Variants in CTNND2 observed in about 807,000 individuals in gnomAD.
CTNND2 encodes catenin delta-2.
In CTNND2, 22 loss-of-function variants were observed where a neutral mutation model predicts 144.4. The observed-to-expected ratio is 0.15, with a 90% CI of 0.11 to 0.22. The LOEUF is 0.22. Among genes scored for constraint, CTNND2 ranks in the 10% least tolerant of loss-of-function variants. CTNND2 has a pLI of 1.00. For missense variants in CTNND2, 1,353 were observed against 1,618.8 expected (o/e 0.84, Z 2.82); for synonymous variants, 751 against 695.6 (o/e 1.08, Z -1.25).
At chr5:11,243,912 G>C (rs1376362870) in intron 9 of CTNND2, among the ~76,000 whole-genome samples, 4 of 152,200 alleles carry the variant, frequency 2.6e-5, no homozygotes, top group African/African-American at 9.6e-5. Context: ...GGCTCACTTT[G>C]ATTGCAATCT....
At chr5:11,172,513 CA>C (rs1310615965) in intron 11 of CTNND2, among the ~76,000 whole-genome samples, 1 of 152,178 alleles carries the variant, frequency 6.6e-6, no homozygotes, top group Non-Finnish European at 1.5e-5. Context: ...CTAAAGAATT[CA>C]ATCTCACAAA....
intron 3 of CTNND2, among the ~76,000 whole-genome samples, chr5:11,478,135 T>C (rs567585551): frequency 1.3e-5 from 2 of 152,192 alleles, no homozygotes; most frequent in Non-Finnish European, 2.9e-5. Context: ...TTCTCTCATA[T>C]ATATGCATGG....
intron 3 of CTNND2, among the ~76,000 whole-genome samples, chr5:11,455,053 G>T (rs945976408): frequency 1.3e-5 from 2 of 149,140 alleles, no homozygotes; most frequent in South Asian, 2.1e-4. Context: ...TACTTAACTT[G>T]TTCAAGTTCT....
At chr5:11,258,823 A>G (rs1440712590) in intron 9 of CTNND2, among the ~76,000 whole-genome samples, 2 of 152,224 alleles carry the variant, frequency 1.3e-5, no homozygotes, top group African/African-American at 4.8e-5. Context: ...CAACAGAAAA[A>G]TTCTGTACAT....
chr5:11,842,551 C>A (rs1279477082), intron 1 of CTNND2, among the ~76,000 whole-genome samples: 2 of 151,836 alleles, frequency 1.3e-5, no homozygotes, highest in African/African-American at 4.8e-5. Context: ...AACCCCATCT[C>A]TACTAAAAAT....
chr5:11,039,121 G>T (rs145607034), intron 16 of CTNND2, among the ~76,000 whole-genome samples: 9 of 152,040 alleles, frequency 5.9e-5, no homozygotes, highest in Non-Finnish European at 1.0e-4. Flanking sequence ...ACACACAATC[G>T]CCTTTCTACT....
chr5:11,183,916 CCTCT>C (rs770267819), intron 11 of CTNND2, among the ~76,000 whole-genome samples: 1 of 152,038 alleles, frequency 6.6e-6, no homozygotes, highest in Non-Finnish European at 1.5e-5. Context: ...TCTGTCCCTC[CCTCT>C]TTCTCTTTCT....
chr5:11,214,588 G>A (rs1220243691), intron 10 of CTNND2, among the ~76,000 whole-genome samples: 3 of 152,256 alleles, frequency 2.0e-5, no homozygotes, highest in East Asian at 1.9e-4. Flanking sequence ...AAAAACATAC[G>A]TAACCAATCA....
chr5:11,096,330 C>T (rs1329328001), intron 15 of CTNND2, among the ~76,000 whole-genome samples: 3 of 152,068 alleles, frequency 2.0e-5, no homozygotes, highest in Non-Finnish European at 4.4e-5. Context: ...CCCACCCCTG[C>T]CAGGCCCCGG....
Position 11,199,608 on chromosome 5 carries a change from C to T in CTNND2, c.1815G>A (p.Met605Ile). The T allele has an allele frequency of 6.2e-7, 1 of 1,614,164 alleles. No homozygotes were observed. The highest frequency in any genetic ancestry group is 8.5e-7 in the Non-Finnish European group (1 of 1,180,032). Residue 605 changes from methionine (M) to isoleucine (I), a missense_variant, in exon 11 of 22, where the codon ATG becomes ATA. Transcript: ENST00000304623. ...QLLVDLLDHRMTEVHRSACGA... is the reference protein window; with the variant it reads ...QLLVDLLDHRITEVHRSACGA... ...CACAGGCACTACGGTGGACTTCGGT[C>T]ATCCGATGATCCAACAGGTCCACCA...
chr5:11,264,242 C>T (rs937836585), intron 9 of CTNND2, among the ~76,000 whole-genome samples: 4 of 152,078 alleles, frequency 2.6e-5, no homozygotes, highest in African/African-American at 9.7e-5. Flanking sequence ...ACTGAACTGG[C>T]GAATCCAGAA....
At chr5:11,271,616 C>A in intron 9 of CTNND2, among the ~76,000 whole-genome samples, 1 of 152,074 alleles carries the variant, frequency 6.6e-6, no homozygotes, top group Non-Finnish European at 1.5e-5. Context: ...CAGAATGGGT[C>A]CCACTGCCAT....
intron 1 of CTNND2, among the ~76,000 whole-genome samples, chr5:11,761,584 T>C (rs551135190): frequency 1.1e-4 from 16 of 152,256 alleles, no homozygotes; most frequent in East Asian, 1.9e-4. Flanking sequence ...TAATAAAGTA[T>C]TGGATTTGAA....
intron 1 of CTNND2, among the ~76,000 whole-genome samples, chr5:11,890,187 C>T (rs1414988290): frequency 6.6e-6 from 1 of 152,030 alleles, no homozygotes; most frequent in Non-Finnish European, 1.5e-5. Context: ...ATTACTGGTC[C>T]CTGAAAACTT....
chr5:11,823,512 G>A (rs1287816733), intron 1 of CTNND2, among the ~76,000 whole-genome samples: 1 of 152,244 alleles, frequency 6.6e-6, no homozygotes. Context: ...TTTCATTGCT[G>A]AATAATGATA....
chr5:11,737,425 C>T (rs931283757), intron 1 of CTNND2, among the ~76,000 whole-genome samples: 1 of 152,172 alleles, frequency 6.6e-6, no homozygotes, highest in Non-Finnish European at 1.5e-5. Flanking sequence ...TCTGCAAATA[C>T]CCAAGCTGCA....
chr5:11,336,061 C>G (rs974803506), intron 9 of CTNND2, among the ~76,000 whole-genome samples: 6 of 152,092 alleles, frequency 3.9e-5, no homozygotes, highest in Non-Finnish European at 8.8e-5. Context: ...ATTGGGTGTA[C>G]ACCAAGTGGC....
chr5:11,347,806 C>T (rs1754947069), intron 8 of CTNND2, among the ~76,000 whole-genome samples: 1 of 152,142 alleles, frequency 6.6e-6, no homozygotes, highest in Non-Finnish European at 1.5e-5. Context: ...TTATTTTATC[C>T]TCTTTTACAT....
chr5:11,818,067 C>T (rs1167869228), intron 1 of CTNND2, among the ~76,000 whole-genome samples: 2 of 133,810 alleles, frequency 1.5e-5, no homozygotes, highest in African/African-American at 5.7e-5. Context: ...ATAGAAGTGA[C>T]GTTCATTTGG....
Sources: gnomAD v4.1 joint callset for allele counts (sites outside exome capture counted in the v4.1 genomes callset) on GRCh38, gnomAD v4.1.1 for gene constraint, MANE v1.5 for transcripts, NCBI Gene and HGNC (gene_info 2026-07-23, HGNC 2026-07-21) for gene names.